The following STT3B variants were observed in gnomAD, a reference collection of about 807,000 sequenced individuals.
The protein encoded by STT3B is dolichyl-diphosphooligosaccharide--protein glycosyltransferase subunit STT3B.
Under a neutral mutation model 96.8 loss-of-function variants are expected in STT3B, and 29 were observed. The ratio of observed to expected loss-of-function variants is 0.30; its 90% CI spans 0.22 to 0.41. The LOEUF (loss-of-function observed/expected upper bound fraction) is 0.41. Among genes scored for constraint, STT3B ranks in the 10% least tolerant of loss-of-function variants. The pLI, the probability that STT3B is intolerant of heterozygous loss-of-function variation, is 1.00. For missense variants in STT3B, 640 were observed against 1,022.3 expected (o/e 0.63, Z 5.10); for synonymous variants, 367 against 360.0 (o/e 1.02, Z -0.22).
Position 31,604,251 on chromosome 3 carries a change from C to G in STT3B, c.877+3792C>G, listed in dbSNP as rs180980579. Among the ~76,000 whole-genome samples the G allele has an allele frequency of 2.3e-3, 356 of 152,126 alleles. 2 individuals are homozygous for G. The highest frequency in any genetic ancestry group is 8.1e-3 in the African/African-American group (337 of 41,514). On this transcript the variant is annotated intron_variant, in intron 5 of 15. Coordinates refer to ENST00000295770, the MANE Select transcript of STT3B (RefSeq NM_178862.3). ...TTTGAACATACTACCTACTTTAGTT[C>G]TGTACAAATTATTATGGGCATTATA...
chr3:31,561,586 T>C (rs114281624), intron 1 of STT3B, among the ~76,000 whole-genome samples: 3,943 of 152,178 alleles, frequency 0.026, 174 homozygotes, highest in African/African-American at 0.09. Context: ...CAACTACTCT[T>C]CCCAGCCCCT....
chr3:31,597,183 G>A (rs1052733098), intron 4 of STT3B, among the ~76,000 whole-genome samples: 2 of 151,586 alleles, frequency 1.3e-5, no homozygotes, highest in Non-Finnish European at 2.9e-5. Flanking sequence ...ATTTTGAGAC[G>A]GAGTTTTGCC....
chr3:31,612,037 T>C (rs1699192368), intron 5 of STT3B, among the ~76,000 whole-genome samples: 1 of 152,194 alleles, frequency 6.6e-6, no homozygotes, highest in South Asian at 2.1e-4. Flanking sequence ...GAAGTACAAG[T>C]TGAGTACTCC....
chr3:31,591,355 T>G (rs1170141179), intron 3 of STT3B, among the ~76,000 whole-genome samples: 1 of 152,178 alleles, frequency 6.6e-6, no homozygotes, highest in South Asian at 2.1e-4. Context: ...TTTAAAAGTT[T>G]CATTGACTGC....
chr3:31,576,329 T>A, intron 1 of STT3B, 67 bp from the exon 2 acceptor site: 1 of 854,110 alleles, frequency 1.2e-6, no homozygotes, highest in Non-Finnish European at 1.8e-6. Flanking sequence ...CCACAGAGTT[T>A]AATATAAAGA....
intron 1 of STT3B, among the ~76,000 whole-genome samples, chr3:31,551,542 G>A (rs954300106): frequency 2.0e-5 from 3 of 152,042 alleles, no homozygotes; most frequent in African/African-American, 7.2e-5. Context: ...TTATGCTTAC[G>A]TTAGCATCCA....
intron 1 of STT3B, among the ~76,000 whole-genome samples, chr3:31,535,463 C>A (rs553112340): frequency 6.6e-6 from 1 of 152,122 alleles, no homozygotes; most frequent in East Asian, 1.9e-4. Flanking sequence ...GTGGCTCACG[C>A]CTGTAATCCC....
intron 13 of STT3B, among the ~76,000 whole-genome samples, 198 bp downstream of exon 13, chr3:31,626,325 T>C (rs1423404108): frequency 1.3e-5 from 2 of 152,220 alleles, no homozygotes; most frequent in African/African-American, 2.4e-5. Flanking sequence ...GGAACTAATA[T>C]ACCATTCTTC....
intron 7 of STT3B, among the ~76,000 whole-genome samples, chr3:31,617,373 C>G (rs1699328967): frequency 6.6e-6 from 1 of 151,718 alleles, no homozygotes; most frequent in Non-Finnish European, 1.5e-5. Context: ...CTCCCTCTTT[C>G]TCCCCTACTT....
At chr3:31,566,924 T>G (rs1698020604) in intron 1 of STT3B, among the ~76,000 whole-genome samples, 1 of 152,230 alleles carries the variant, frequency 6.6e-6, no homozygotes, top group Non-Finnish European at 1.5e-5. Flanking sequence ...AGGAGTTTTT[T>G]GAAAACATGA....
intron 1 of STT3B, among the ~76,000 whole-genome samples, chr3:31,551,286 G>A (rs1394362170): frequency 6.6e-6 from 1 of 151,940 alleles, no homozygotes; most frequent in Non-Finnish European, 1.5e-5. Context: ...TGTCATCTCG[G>A]CTCACTACAA....
At chr3:31,592,767 T>C (rs1196633781) in intron 3 of STT3B, among the ~76,000 whole-genome samples, 1 of 152,232 alleles carries the variant, frequency 6.6e-6, no homozygotes, top group African/African-American at 2.4e-5. Flanking sequence ...ACTTTCTAAT[T>C]TCCCGTCATA....
intron 1 of STT3B, chr3:31,533,748 T>A (rs949365140): frequency 6.5e-6 from 1 of 153,664 alleles, no homozygotes; most frequent in Non-Finnish European, 1.4e-5. Flanking sequence ...TTTCGCGTTC[T>A]TTCATATTTG....
intron 5 of STT3B, among the ~76,000 whole-genome samples, chr3:31,605,727 A>C (rs1266495133): frequency 6.6e-6 from 1 of 152,204 alleles, no homozygotes; most frequent in African/African-American, 2.4e-5. Flanking sequence ...AGACTAATAC[A>C]GTAAATTGGT....
intron 1 of STT3B, among the ~76,000 whole-genome samples, chr3:31,536,750 C>G (rs191913096): frequency 1.5e-4 from 23 of 152,308 alleles, no homozygotes; most frequent in Admixed American, 9.8e-4. Context: ...CCCTTATCAG[C>G]TGAGTTGAAC....
At chr3:31,602,734 G>C (rs1698959194) in intron 5 of STT3B, among the ~76,000 whole-genome samples, 1 of 146,178 alleles carries the variant, frequency 6.8e-6, no homozygotes, top group Non-Finnish European at 1.5e-5. Context: ...ATTCTTGAGA[G>C]TATTTTAAGA....
rs72856077 is a variant in STT3B, at chr3:31,612,914, T to C, written c.878-2191T>C. On this transcript the variant is annotated intron_variant, in intron 5 of 15. Transcript: ENST00000295770. ...CCTGCTAGTGATTATTTCTGGAGAA[T>C]GTGACTTAGAGGGAAATAAATAGGG... Among the ~76,000 whole-genome samples, 399 of 152,310 alleles carry C rather than the reference T, an allele frequency of 2.6e-3. 2 individuals are homozygous for C. The highest frequency in any genetic ancestry group is 9.4e-3 in the African/African-American group (391 of 41,578).
At chr3:31,601,575 A>C (rs186712480) in intron 5 of STT3B, among the ~76,000 whole-genome samples, 5 of 152,308 alleles carry the variant, frequency 3.3e-5, no homozygotes, top group Admixed American at 6.5e-5. Flanking sequence ...AAAGTAGATT[A>C]GTGGTTGCCT....
At chr3:31,574,351 T>C (rs903567041) in intron 1 of STT3B, among the ~76,000 whole-genome samples, 15 of 152,150 alleles carry the variant, frequency 9.9e-5, no homozygotes, top group Non-Finnish European at 2.1e-4. Context: ...TAATTTCTTG[T>C]CTTGGGAATT....
Sources: gnomAD v4.1 joint callset for allele counts (sites outside exome capture counted in the v4.1 genomes callset) on GRCh38, gnomAD v4.1.1 for gene constraint, MANE v1.5 for transcripts, NCBI Gene and HGNC (gene_info 2026-07-23, HGNC 2026-07-21) for gene names.